Variants in HMBOX1 observed in about 807,000 individuals in gnomAD.
HMBOX1 encodes homeobox-containing protein 1.
Under a neutral mutation model 54.5 loss-of-function variants are expected in HMBOX1, and 14 were observed. That is an observed-to-expected ratio of 0.26 (90% confidence interval 0.17 to 0.40). The LOEUF (loss-of-function observed/expected upper bound fraction) is 0.40. HMBOX1 is among the 10% of genes least tolerant of loss of function. HMBOX1 has a pLI of 1.00. For synonymous variants in HMBOX1, 160 were observed against 181.0 expected, an observed-to-expected ratio of 0.88 and a Z score of 0.93; for missense variants, 332 against 514.4, an observed-to-expected ratio of 0.65 and a Z score of 3.43.
In HMBOX1 at chr8:28,945,900, A is replaced by G. The variant is rs548258787; in HGVS notation, c.-57-17911A>G. ...AGTATATAGGTCAAAGAATTTTACT[A>G]TATTCACAGTTGTGTAACCATCATC... On this transcript the variant is annotated intron_variant, in intron 1 of 9. Coordinates refer to ENST00000287701, the MANE Select transcript of HMBOX1 (RefSeq NM_001135726.3). Among the ~76,000 whole-genome samples, 13 of 151,006 alleles carry G rather than the reference A, an allele frequency of 8.6e-5. No homozygotes were observed. In the East Asian group the frequency reaches 2.3e-3, roughly 27 times the overall value.
chr8:29,047,359 CA>C lies in HMBOX1; in HGVS notation c.941del (p.Lys314SerfsTer11). 1 of 1,588,146 alleles carries C rather than the reference CA, an allele frequency of 6.3e-7. No homozygotes were observed. Among genetic ancestry groups the C allele is most frequent in the Non-Finnish European group, 8.6e-7 (1 of 1,156,718 alleles). Reference protein sequence around the residue: ...ACNAVIQKPGKKLSDLERVTS... With the variant: ...ACNAVIQKPGXKLSDLERVTS... The stretch of plus-strand genomic sequence containing the variant: ...GAATTTTATTGCATGTATTCACAGG[CA>C]AAAAGCTGTCAGATCTGGAAAGAGT... On this transcript the variant is annotated frameshift_variant and splice_region_variant, in exon 8 of 10. Transcript: ENST00000287701. LOFTEE classifies it high-confidence loss of function.
intron 4 of HMBOX1, among the ~76,000 whole-genome samples, chr8:29,006,105 G>T (rs1437726104): frequency 6.7e-6 from 1 of 149,120 alleles, no homozygotes; most frequent in African/African-American, 2.5e-5. Context: ...CAATTCTCCT[G>T]CCTCAGCCTC....
At chr8:28,952,228 ATATT>A (rs1823582124) in intron 1 of HMBOX1, among the ~76,000 whole-genome samples, 1 of 151,746 alleles carries the variant, frequency 6.6e-6, no homozygotes, top group Non-Finnish European at 1.5e-5. Context: ...AGGACTAGGA[ATATT>A]TATTTATTTA....
At position 28,927,900 on chromosome 8, in the gene HMBOX1, G is replaced by C. The variant is rs1443731783; in HGVS notation, c.-57-35911G>C. Among the ~76,000 whole-genome samples the C allele has an allele frequency of 4.0e-5, 6 of 150,886 alleles. No homozygotes were observed. In the East Asian group the frequency reaches 1.2e-3, roughly 29 times the overall value. ...GCCTGTAATCCCAGCACTTTGAGAGGCTGAGGCAGACGGATCACAAGGTCA... is the reference window on the plus strand; with the variant it reads ...GCCTGTAATCCCAGCACTTTGAGAGCCTGAGGCAGACGGATCACAAGGTCA... On this transcript the variant is annotated intron_variant, in intron 1 of 9. Transcript: ENST00000287701.
Position 29,001,541 on chromosome 8 carries a change from T to C in HMBOX1, c.587-7531T>C, listed in dbSNP as rs1008294083. ...CTTCAGCCTCGGTAATAGAGCGAGA[T>C]TCCATCTCAAACAAAACAAAACAAA... On this transcript the variant is annotated intron_variant, in intron 4 of 9. Transcript: ENST00000287701. Among the ~76,000 whole-genome samples the C allele has an allele frequency of 5.7e-5, 8 of 140,188 alleles. No homozygotes were observed. In the Admixed American group the frequency reaches 6.2e-4, roughly 11 times the overall value. 92.0% of individuals were successfully genotyped at this position (140,188 alleles called of 152,430 possible).
At chr8:28,941,597 A>C (rs1350866059) in intron 1 of HMBOX1, among the ~76,000 whole-genome samples, 2 of 152,190 alleles carry the variant, frequency 1.3e-5, no homozygotes, top group Non-Finnish European at 2.9e-5. Flanking sequence ...ATTTCACTTT[A>C]GAAAGTAGGT....
At chr8:28,913,276 A>G (rs749243823) in intron 1 of HMBOX1, among the ~76,000 whole-genome samples, 2 of 152,172 alleles carry the variant, frequency 1.3e-5, no homozygotes, top group South Asian at 2.1e-4. Context: ...AGACTCTCCA[A>G]CATATTTGCA....
chr8:29,051,458 T>C lies in HMBOX1; in HGVS notation c.*303T>C, dbSNP rs990091649. On this transcript the variant is annotated 3_prime_UTR_variant, in exon 10 of 10. Transcript: ENST00000287701. ...AAGAAAGTGCTTCCAGGTATTTAGATAGCCCTCAGTTCTCAAATATTAGAC... is the reference window on the plus strand; with the variant it reads ...AAGAAAGTGCTTCCAGGTATTTAGACAGCCCTCAGTTCTCAAATATTAGAC... The C allele has an allele frequency of 2.9e-6, 2 of 690,488 alleles. No individual in the cohort carries two copies. The highest frequency in any genetic ancestry group is 2.7e-6 in the Non-Finnish European group (1 of 374,830). 42.8% of individuals were successfully genotyped at this position (690,488 alleles called of 1,614,324 possible). A position where few individuals can be genotyped will look rare whatever the true frequency, so the allele number is the denominator to read the frequency against.
Position 29,051,000 on chromosome 8 carries a change from T to C in HMBOX1, c.1126-18T>C. Reference sequence around the variant, plus strand: ...TCTTCCAATCCACTAATAACATTTCTTATTTCTGCACATCTAGGATGACAG... The same window carrying C: ...TCTTCCAATCCACTAATAACATTTCCTATTTCTGCACATCTAGGATGACAG... On this transcript the variant is annotated intron_variant, in intron 9 of 9. Coordinates refer to ENST00000287701, the MANE Select transcript of HMBOX1 (RefSeq NM_001135726.3). 6.2e-7 allele frequency: 1 copy of C among 1,606,358 alleles called. No individual in the cohort carries two copies. The highest frequency in any genetic ancestry group is 8.5e-7 in the Non-Finnish European group (1 of 1,177,630).
intron 4 of HMBOX1, among the ~76,000 whole-genome samples, chr8:28,986,954 T>G (rs1830256107): frequency 6.6e-6 from 1 of 152,136 alleles, no homozygotes; most frequent in Non-Finnish European, 1.5e-5. Flanking sequence ...GGAGTGGAAA[T>G]AATTTCGGAG....
At chr8:29,005,753 T>C (rs932393212) in intron 4 of HMBOX1, among the ~76,000 whole-genome samples, 1 of 152,176 alleles carries the variant, frequency 6.6e-6, no homozygotes, top group Non-Finnish European at 1.5e-5. Context: ...CATGGGTAAC[T>C]ACTATTCTGA....
At chr8:28,926,014 C>G (rs1187559743) in intron 1 of HMBOX1, among the ~76,000 whole-genome samples, 1 of 151,878 alleles carries the variant, frequency 6.6e-6, no homozygotes, top group Non-Finnish European at 1.5e-5. Context: ...TAAAATGAAC[C>G]TGGGCCAGGT....
chr8:28,977,286 T>G (rs1401761159), intron 3 of HMBOX1, among the ~76,000 whole-genome samples: 1 of 152,244 alleles, frequency 6.6e-6, no homozygotes, highest in Non-Finnish European at 1.5e-5. Context: ...CCCATTTAAT[T>G]CTTTTCCCCC....
intron 1 of HMBOX1, among the ~76,000 whole-genome samples, chr8:28,895,003 T>A (rs1450665956): frequency 6.6e-6 from 1 of 152,084 alleles, no homozygotes; most frequent in East Asian, 1.9e-4. Context: ...TTATTTTAAC[T>A]TTTTCACCCT....
intron 4 of HMBOX1, among the ~76,000 whole-genome samples, chr8:28,994,841 T>C (rs1263084933): frequency 1.3e-5 from 2 of 152,020 alleles, no homozygotes; most frequent in African/African-American, 4.8e-5. Flanking sequence ...AAATGGCCAA[T>C]AAGCATATGA....
chr8:29,033,691 T>C lies in HMBOX1; in HGVS notation c.852-11670T>C, dbSNP rs546566944. On this transcript the variant is annotated intron_variant, in intron 6 of 9. Transcript: ENST00000287701. ...GCAGTTTCATTTTGTACAAATGGCA[T>C]ACCCCTTATTTCTCTAGTCCCCAAG... is the stretch of plus-strand genomic sequence containing the variant. Among the ~76,000 whole-genome samples the C allele has an allele frequency of 4.6e-5, 7 of 152,312 alleles. No homozygotes were observed. The East Asian group carries it at 1.2e-3, about 25-fold the overall frequency.
At chr8:28,921,266 G>A (rs900908228) in intron 1 of HMBOX1, among the ~76,000 whole-genome samples, 6 of 152,238 alleles carry the variant, frequency 3.9e-5, no homozygotes, top group African/African-American at 1.4e-4. Context: ...AGCCTGGGAG[G>A]CAGAGGTTGC....
At chr8:28,940,077 C>T (rs746235311) in intron 1 of HMBOX1, among the ~76,000 whole-genome samples, 13 of 151,960 alleles carry the variant, frequency 8.6e-5, no homozygotes, top group South Asian at 2.1e-4. Flanking sequence ...GGTGCTATCT[C>T]GGCTCACCGC....
intron 4 of HMBOX1, 45 bp from the exon 5 acceptor site, chr8:29,009,027 C>T: frequency 7.0e-7 from 1 of 1,424,322 alleles, no homozygotes; most frequent in South Asian, 1.2e-5. Context: ...ATTAATTTCA[C>T]TGTAATTTCA....
Sources: allele counts gnomAD v4.1 joint callset (sites outside exome capture counted in the v4.1 genomes callset), GRCh38; gene constraint gnomAD v4.1.1; transcripts MANE v1.5; gene names NCBI Gene and HGNC (gene_info 2026-07-23, HGNC 2026-07-21).